TMEM156: variants seen among roughly 807,000 people sequenced by gnomAD.
The protein encoded by TMEM156 is transmembrane protein 156.
Under a neutral mutation model 30.5 loss-of-function variants are expected in TMEM156, and 28 were observed. That is an observed-to-expected ratio of 0.92 (90% CI 0.68 to 1.26). TMEM156 has a LOEUF of 1.26. Among genes scored for constraint, TMEM156 ranks in the 50% most tolerant of loss-of-function variants. The pLI is 0.00. For synonymous variants in TMEM156, 137 were observed against 119.9 expected (o/e 1.14, Z -0.93); for missense variants, 351 against 340.6 (o/e 1.03, Z -0.24).
intron 1 of TMEM156, among the ~76,000 whole-genome samples, chr4:39,018,791 T>C (rs1714669075): frequency 6.6e-6 from 1 of 152,084 alleles, no homozygotes; most frequent in African/African-American, 2.4e-5. Context: ...GAGGCCAAGG[T>C]GGGCAGATCA....
intron 4 of TMEM156, among the ~76,000 whole-genome samples, chr4:38,986,976 CA>C (rs144875112): frequency 0.074 from 11,237 of 151,662 alleles, 535 homozygotes; most frequent in Middle Eastern, 0.13. Context: ...AGTAGTGTGA[CA>C]TTTTTTATTA....
chr4:38,988,716 T>C (rs75089163), intron 4 of TMEM156, 135 bp downstream of exon 4: 64,077 of 1,205,662 alleles, frequency 0.053, 2,428 homozygotes, highest in Admixed American at 0.12. Context: ...TTTATCTACG[T>C]TTTTATTCCT....
chr4:39,017,284 C>T (rs1577577523), intron 1 of TMEM156, among the ~76,000 whole-genome samples: 1 of 142,864 alleles, frequency 7.0e-6, no homozygotes, highest in African/African-American at 2.6e-5. Context: ...ACACCATTCT[C>T]CTGCCTCAGC....
At chr4:38,984,267 G>C (rs1385876300) in intron 5 of TMEM156, among the ~76,000 whole-genome samples, 2 of 151,766 alleles carry the variant, frequency 1.3e-5, no homozygotes, top group East Asian at 3.9e-4. Flanking sequence ...TTTCTCTCTT[G>C]TAGGATGAAT....
chr4:38,972,168 C>G (rs1259870967), intron 5 of TMEM156, among the ~76,000 whole-genome samples: 1 of 148,854 alleles, frequency 6.7e-6, no homozygotes, highest in Non-Finnish European at 1.5e-5. Flanking sequence ...TTAGTGTATT[C>G]AAGAAAATTA....
At chr4:39,030,390 T>G (rs1715444391) in intron 1 of TMEM156, among the ~76,000 whole-genome samples, 1 of 152,128 alleles carries the variant, frequency 6.6e-6, no homozygotes, top group African/African-American at 2.4e-5. Flanking sequence ...ACTGACACAT[T>G]ACTATTAGGC....
At chr4:38,996,829 G>A (rs35834092) in intron 2 of TMEM156, among the ~76,000 whole-genome samples, 23,234 of 151,976 alleles carry the variant, frequency 0.15, 1,926 homozygotes, top group African/African-American at 0.2. Flanking sequence ...ATTCACAACA[G>A]CCAAGAATAG....
At chr4:39,013,647 G>A (rs1393940020) in intron 1 of TMEM156, among the ~76,000 whole-genome samples, 2 of 151,854 alleles carry the variant, frequency 1.3e-5, no homozygotes, top group Non-Finnish European at 2.9e-5. Context: ...TGATCCACCC[G>A]CCTCGGCCTC....
intron 5 of TMEM156, among the ~76,000 whole-genome samples, chr4:38,980,599 C>A (rs1438854116): frequency 6.6e-6 from 1 of 152,106 alleles, no homozygotes; most frequent in East Asian, 1.9e-4. Context: ...ACACAAAGCA[C>A]AATAACACAA....
At chr4:39,005,456 C>T (rs1713665609) in intron 1 of TMEM156, among the ~76,000 whole-genome samples, 4 of 152,214 alleles carry the variant, frequency 2.6e-5, no homozygotes, top group African/African-American at 9.7e-5. Flanking sequence ...CCTTCACCTT[C>T]CACCATGACT....
intron 6 of TMEM156, among the ~76,000 whole-genome samples, chr4:38,968,668 C>T (rs1232000529): frequency 6.6e-6 from 1 of 152,204 alleles, no homozygotes; most frequent in Non-Finnish European, 1.5e-5. Context: ...CATATGACTA[C>T]ACTATATGCT....
Position 38,990,833 on chromosome 4 carries a change from T to TC in TMEM156, c.620-1864_620-1863insG, listed in dbSNP as rs71192808. Among the ~76,000 whole-genome samples the TC allele has an allele frequency of 4.2e-4, 49 of 117,168 alleles. 2 individuals carry two copies. Among genetic ancestry groups the TC allele is most frequent in the South Asian group, 8.7e-4 (3 of 3,438 alleles). The allele number at this position is 117,168 out of a possible 152,430, so 76.9% of individuals were successfully genotyped here. A position where few individuals can be genotyped will look rare whatever the true frequency, so the allele number is the denominator to read the frequency against. On this transcript the variant is annotated intron_variant, in intron 3 of 6. Transcript: ENST00000381938. Reference sequence around the variant, plus strand: ...TGTTTTTTTGGTTTGTTTTCTGGTTTTTTTTTTTTTTTTTTTTTTTGAGAG... The same window carrying TC: ...TGTTTTTTTGGTTTGTTTTCTGGTTTCTTTTTTTTTTTTTTTTTTTTGAGAG...
In TMEM156 at chr4:38,972,361, C is replaced by A. The variant is rs394109; in HGVS notation, c.824-1224G>T. ...CTCCGCCTCCTGGGTTCAAGCAATT[C>A]TGTCTCAGCCTCCTGAGTAGCTGGG... On this transcript the variant is annotated intron_variant, in intron 5 of 6. Transcript: ENST00000381938. 3.5e-5 allele frequency among the ~76,000 whole-genome samples: 5 copies of A among 142,640 alleles called. No homozygotes were observed. In the East Asian group the frequency reaches 1.1e-3, roughly 31 times the overall value. The allele number at this position is 142,640 out of a possible 152,430, so 93.6% of individuals were successfully genotyped here.
intron 2 of TMEM156, among the ~76,000 whole-genome samples, chr4:38,994,750 C>A (rs373013953): frequency 2.6e-5 from 4 of 152,090 alleles, no homozygotes; most frequent in East Asian, 3.9e-4. Context: ...GGGTTCGAGA[C>A]CAGCCTGGCC....
intron 1 of TMEM156, among the ~76,000 whole-genome samples, chr4:39,017,047 G>A (rs569142745): frequency 6.6e-6 from 1 of 152,132 alleles, no homozygotes; most frequent in South Asian, 2.1e-4. Flanking sequence ...ACACAGTATG[G>A]GGGAAACCAC....
rs548129220 is a variant in TMEM156, at chr4:38,994,543, G to A, written c.359-545C>T. Among the ~76,000 whole-genome samples, 12 of 152,258 alleles carry A rather than the reference G, an allele frequency of 7.9e-5. 1 individual carries two copies. In the South Asian group the frequency reaches 2.5e-3, roughly 32 times the overall value. On this transcript the variant is annotated intron_variant, in intron 2 of 6. Transcript: ENST00000381938. Reference sequence around the variant, plus strand: ...TACACACATTTCCCCAGTGACTTGTGGGACAGACTGTATTGTGTGACCAAT... The same window carrying A: ...TACACACATTTCCCCAGTGACTTGTAGGACAGACTGTATTGTGTGACCAAT...
chr4:39,021,893 A>C (rs1216489218), intron 1 of TMEM156, among the ~76,000 whole-genome samples: 5 of 152,166 alleles, frequency 3.3e-5, no homozygotes, highest in Non-Finnish European at 1.5e-5. Context: ...AAACAAGCTA[A>C]ATATTTTCTA....
chr4:38,975,633 T>C (rs1722815499), intron 5 of TMEM156, among the ~76,000 whole-genome samples: 1 of 152,086 alleles, frequency 6.6e-6, no homozygotes, highest in South Asian at 2.1e-4. Flanking sequence ...TACCTTGGCC[T>C]CCCAAAGTGC....
Position 38,975,384 on chromosome 4 carries a change from CTT to C in TMEM156, c.824-4249_824-4248del, listed in dbSNP as rs10711049. 3.8e-3 allele frequency among the ~76,000 whole-genome samples: 372 copies of C among 97,564 alleles called. 3 individuals carry two copies. The highest frequency in any genetic ancestry group is 0.012 in the African/African-American group (303 of 25,752). The allele number at this position is 97,564 out of a possible 152,430, so 64.0% of individuals were successfully genotyped here. On this transcript the variant is annotated intron_variant, in intron 5 of 6. Coordinates refer to ENST00000381938, the MANE Select transcript of TMEM156 (RefSeq NM_024943.3). ...TTTTTTTTCTTTTCTTTTTTCTTTT[CTT>C]TTTTTTTTTTTTTTGAGACAGAGTC... is the stretch of plus-strand genomic sequence containing the variant.
Sources: allele counts gnomAD v4.1 joint callset (sites outside exome capture counted in the v4.1 genomes callset), GRCh38; gene constraint gnomAD v4.1.1; transcripts MANE v1.5; gene names NCBI Gene and HGNC (gene_info 2026-07-23, HGNC 2026-07-21).